The following SCN11A variants were observed in gnomAD, a reference collection of about 807,000 sequenced individuals.
SCN11A encodes sodium channel protein type 11 subunit alpha.
In SCN11A, 122 loss-of-function variants were observed where a neutral mutation model predicts 162.2. That is an observed-to-expected ratio of 0.75 (90% CI 0.65 to 0.87). The LOEUF (loss-of-function observed/expected upper bound fraction) is 0.87. SCN11A is among the 40% of genes least tolerant of loss of function. SCN11A has a pLI of 0.00. For synonymous variants in SCN11A, 758 were observed against 751.5 expected (o/e 1.01, Z -0.14); for missense variants, 2,015 against 2,181.6 (o/e 0.92, Z 1.52).
chr3:38,885,642 T>C (rs935535311), intron 20 of SCN11A, among the ~76,000 whole-genome samples: 6 of 152,154 alleles, frequency 3.9e-5, no homozygotes, highest in Non-Finnish European at 8.8e-5. Flanking sequence ...GCAATGCATA[T>C]GAAGATACAG....
chr3:38,873,976 C>T (rs1366817586), intron 23 of SCN11A, among the ~76,000 whole-genome samples: 2 of 152,086 alleles, frequency 1.3e-5, no homozygotes, highest in African/African-American at 4.8e-5. Context: ...ATTTCCATTT[C>T]TTTCCTATTA....
chr3:38,862,239 T>C (rs1238636666), intron 28 of SCN11A, among the ~76,000 whole-genome samples: 1 of 151,992 alleles, frequency 6.6e-6, no homozygotes, highest in Non-Finnish European at 1.5e-5. Context: ...AAAAAAATAA[T>C]AGATGTTGGC....
At chr3:38,907,749 G>T (rs1053849878) in intron 14 of SCN11A, among the ~76,000 whole-genome samples, 200 bp downstream of exon 14, 1 of 152,182 alleles carries the variant, frequency 6.6e-6, no homozygotes, top group Non-Finnish European at 1.5e-5. Flanking sequence ...CAAGAAGATA[G>T]TAAACACTGT....
chr3:38,885,442 A>G (rs764405105), intron 20 of SCN11A, 40 bp from the exon 21 acceptor site: 2 of 1,100,084 alleles, frequency 1.8e-6, no homozygotes, highest in South Asian at 2.5e-5. Flanking sequence ...CCTTTTACTA[A>G]GACCTTCTTT....
chr3:38,901,055 A>G (rs1322320024), intron 16 of SCN11A, among the ~76,000 whole-genome samples: 1 of 152,222 alleles, frequency 6.6e-6, no homozygotes, highest in African/African-American at 2.4e-5. Flanking sequence ...ATAAGGTAAT[A>G]TTAAAAGGAT....
chr3:38,930,971 T>G (rs1269857778), intron 7 of SCN11A, among the ~76,000 whole-genome samples: 1 of 152,144 alleles, frequency 6.6e-6, no homozygotes, highest in African/African-American at 2.4e-5. Flanking sequence ...GAAAGAAGGC[T>G]CCTTGCATCT....
chr3:38,906,408 G>T (rs1225153111), intron 14 of SCN11A, among the ~76,000 whole-genome samples: 1 of 151,892 alleles, frequency 6.6e-6, no homozygotes, highest in Non-Finnish European at 1.5e-5. Context: ...CTGCTTGGAG[G>T]TCCCATAAGC....
intron 2 of SCN11A, among the ~76,000 whole-genome samples, chr3:39,008,641 C>T (rs985675784): frequency 6.6e-6 from 1 of 152,206 alleles, no homozygotes; most frequent in Admixed American, 6.5e-5. Flanking sequence ...GTAATCCCAG[C>T]ACTTTGAGAG....
chr3:39,026,644 G>C (rs1213632804), intron 2 of SCN11A, among the ~76,000 whole-genome samples: 1 of 152,182 alleles, frequency 6.6e-6, no homozygotes, highest in African/African-American at 2.4e-5. Flanking sequence ...TGAATACAAG[G>C]ACAAGTGGGA....
At chr3:39,009,044 T>C (rs1559572525) in intron 2 of SCN11A, among the ~76,000 whole-genome samples, 1 of 152,056 alleles carries the variant, frequency 6.6e-6, no homozygotes, top group Admixed American at 6.6e-5. Flanking sequence ...TCTCCTTCTC[T>C]CATAAGTATA....
rs1369670366 is a variant in SCN11A, at chr3:38,847,369, A to G, written c.4701T>C (p.Cys1567=). The change falls in exon 30 of 30, where the codon TGT becomes TGC. Residue 1567 remains cysteine (C), a synonymous_variant. Transcript: ENST00000302328. ...GGTGGCAGTTTTCTGAGGAAGAGTTACATGATTCTTTTGATCGCAGCATGG... is the reference window on the plus strand; with the variant it reads ...GGTGGCAGTTTTCTGAGGAAGAGTTGCATGATTCTTTTGATCGCAGCATGG... ...LSPMLRSKES[C]NSSSENCHLP... is the part of the protein sequence containing the mutation. 4 of 1,614,182 alleles carry G rather than the reference A, an allele frequency of 2.5e-6. No individual in the cohort carries two copies. Among genetic ancestry groups the G allele is most frequent in the Admixed American group, 3.3e-5 (2 of 60,026 alleles).
chr3:38,862,552 T>C (rs2064981251), intron 28 of SCN11A, among the ~76,000 whole-genome samples: 2 of 152,144 alleles, frequency 1.3e-5, no homozygotes, highest in South Asian at 4.1e-4. Flanking sequence ...CATGGAATAC[T>C]AGTCAGCCAT....
Position 38,847,688 on chromosome 3 carries a change from A to C in SCN11A, c.4382T>G (p.Leu1461Arg). The change falls in exon 30 of 30, where the codon CTC (leucine) becomes CGC (arginine). Residue 1461 changes from leucine (L) to arginine (R), a missense_variant. Physicochemically the swap from Leu to Arg is moderately radical, Grantham distance 102 (BLOSUM62 -2). Coordinates refer to ENST00000302328, the MANE Select transcript of SCN11A (RefSeq NM_001349253.2). The stretch of plus-strand genomic sequence containing the variant: ...CCGAGCCAAGCGGACAATTCTGAAG[A>C]GCGTCGGAGGGAAAGGAATGTGCTC... ...NQEHIPFPPTLFRIVRLARIG... is the reference protein window; with the variant it reads ...NQEHIPFPPTRFRIVRLARIG... The C allele has an allele frequency of 6.2e-7, 1 of 1,613,190 alleles. No individual in the cohort carries two copies. Among genetic ancestry groups the C allele is most frequent in the Non-Finnish European group, 8.5e-7 (1 of 1,179,324 alleles).
intron 1 of SCN11A, among the ~76,000 whole-genome samples, chr3:39,040,452 T>C (rs182121065): frequency 7.2e-5 from 11 of 152,106 alleles, no homozygotes; most frequent in Admixed American, 1.3e-4. Context: ...GAAATCAACA[T>C]AGGAACACAA....
chr3:38,977,034 T>TG (rs1177786698), intron 2 of SCN11A, among the ~76,000 whole-genome samples: 1 of 152,180 alleles, frequency 6.6e-6, no homozygotes, highest in African/African-American at 2.4e-5. Context: ...TAACCAGCAG[T>TG]GAGCATCCAA....
intron 3 of SCN11A, among the ~76,000 whole-genome samples, chr3:38,955,685 A>C (rs1332607363): frequency 6.6e-6 from 1 of 152,226 alleles, no homozygotes; most frequent in Non-Finnish European, 1.5e-5. Flanking sequence ...TAAATTAGCT[A>C]AGTGCAATTA....
intron 2 of SCN11A, among the ~76,000 whole-genome samples, chr3:39,020,784 T>C (rs2031430409): frequency 6.6e-6 from 1 of 152,154 alleles, no homozygotes; most frequent in East Asian, 1.9e-4. Context: ...CACAGATATG[T>C]ATATGTATTA....
In SCN11A at chr3:38,899,897, T is replaced by A; in HGVS notation, c.2019A>T (p.Arg673Ser). Residue 673 changes from arginine (R) to serine (S), a missense_variant, in exon 17 of 30, where the codon AGA (arginine) becomes AGT (serine). Physicochemically the swap from Arg to Ser is moderately radical, Grantham distance 110 (BLOSUM62 -1). Coordinates refer to ENST00000302328, the MANE Select transcript of SCN11A (RefSeq NM_001349253.2). ...KRSWPFLRSF[R>S]VLRVFKLAKS... ...GTAAAATAAGAAAGTGCCTTACCAC[T>A]CTGAAGGAACGCAAGAATGGCCAGC... 13 of 1,613,454 alleles carry A rather than the reference T, an allele frequency of 8.1e-6. No individual in the cohort carries two copies. Among genetic ancestry groups the A allele is most frequent in the Non-Finnish European group, 1.1e-5 (13 of 1,179,580 alleles).
Position 38,925,465 on chromosome 3 carries a change from A to C in SCN11A, c.662T>G (p.Leu221Arg). The change falls in exon 9 of 30, where the codon CTG (leucine) becomes CGG (arginine). Residue 221 changes from leucine to arginine, a missense_variant. Coordinates refer to ENST00000302328, the MANE Select transcript of SCN11A (RefSeq NM_001349253.2). ...IPGITIKLLPLRTFRVFRALK... is the reference protein window; with the variant it reads ...IPGITIKLLPRRTFRVFRALK... Reference sequence around the variant, plus strand: ...AGCTCTGAACACACGGAAGGTACGCAGGGGCAATAGTTTGATGGTGATTCC... The same window carrying C: ...AGCTCTGAACACACGGAAGGTACGCCGGGGCAATAGTTTGATGGTGATTCC... 1 of 1,613,940 alleles carries C rather than the reference A, an allele frequency of 6.2e-7. No individual in the cohort carries two copies. The highest frequency in any genetic ancestry group is 8.5e-7 in the Non-Finnish European group (1 of 1,179,802).
Sources: allele counts gnomAD v4.1 joint callset (sites outside exome capture counted in the v4.1 genomes callset), GRCh38; gene constraint gnomAD v4.1.1; transcripts MANE v1.5; gene names NCBI Gene and HGNC (gene_info 2026-07-23, HGNC 2026-07-21).